Variants in F13A1 observed in about 807,000 individuals in gnomAD.
The protein encoded by F13A1 is FSF, A subunit.
Under a neutral mutation model 80.1 loss-of-function variants are expected in F13A1, and 47 were observed. The ratio of observed to expected loss-of-function variants is 0.59; its 90% CI spans 0.46 to 0.75. The LOEUF is 0.75. Among genes scored for constraint, F13A1 ranks in the 30% least tolerant of loss-of-function variants. The pLI, the probability that F13A1 is intolerant of heterozygous loss-of-function variation, is 0.00. For missense variants in F13A1, 817 were observed against 930.4 expected, an observed-to-expected ratio of 0.88 and a Z score of 1.59; for synonymous variants, 349 against 344.9, an observed-to-expected ratio of 1.01 and a Z score of -0.13.
chr6:6,221,969 TGTG>T, intron 8 of F13A1, 61 bp downstream of exon 8: 1 of 1,572,446 alleles, frequency 6.4e-7, no homozygotes, highest in East Asian at 2.2e-5. Context: ...GAGTCTATCT[TGTG>T]GTAAATGTGT....
At chr6:6,233,752 G>C (rs929466087) in intron 6 of F13A1, among the ~76,000 whole-genome samples, 13 of 152,138 alleles carry the variant, frequency 8.5e-5, no homozygotes, top group Admixed American at 1.3e-4. Context: ...AATCCGCCAT[G>C]ATCAAGTGGG....
intron 8 of F13A1, among the ~76,000 whole-genome samples, chr6:6,204,864 G>A (rs564680550): frequency 2.0e-5 from 3 of 152,370 alleles, no homozygotes; most frequent in South Asian, 4.1e-4. Flanking sequence ...AAACCAGCAA[G>A]GGGCATTTGG....
chr6:6,279,625 C>T (rs1053519993), intron 3 of F13A1, among the ~76,000 whole-genome samples: 2 of 152,150 alleles, frequency 1.3e-5, no homozygotes, highest in East Asian at 1.9e-4. Flanking sequence ...TGTTCTCAGT[C>T]AGCTCAGAAC....
chr6:6,302,048 C>T (rs576832763), intron 3 of F13A1, among the ~76,000 whole-genome samples: 1 of 152,292 alleles, frequency 6.6e-6, no homozygotes, highest in African/African-American at 2.4e-5. Flanking sequence ...AGTTTATTTC[C>T]TAGTAACCCG....
At chr6:6,227,789 A>T (rs1193118572) in intron 6 of F13A1, among the ~76,000 whole-genome samples, 1 of 152,172 alleles carries the variant, frequency 6.6e-6, no homozygotes, top group Non-Finnish European at 1.5e-5. Context: ...CAATCAGCTA[A>T]GGGGAAGAGT....
rs113730307 is a variant in F13A1 at position 6,291,240 on chromosome 6, G to C, written c.319+14111C>G. The stretch of plus-strand genomic sequence containing the variant: ...GATGAGGAATTTTCCTTCCTACTCA[G>C]CCCCTCACCCGTGCCCCTGTCCTCT... On this transcript the variant is annotated intron_variant, in intron 3 of 14. Coordinates refer to ENST00000264870, the MANE Select transcript of F13A1 (RefSeq NM_000129.4). Among the ~76,000 whole-genome samples, 657 of 151,726 alleles carry C rather than the reference G, an allele frequency of 4.3e-3. 7 individuals are homozygous for C. The highest frequency in any genetic ancestry group is 0.015 in the African/African-American group (635 of 41,358).
At chr6:6,247,810 GAATC>G (rs1278102912) in intron 6 of F13A1, among the ~76,000 whole-genome samples, 2 of 152,170 alleles carry the variant, frequency 1.3e-5, no homozygotes, top group African/African-American at 4.8e-5. Context: ...ATCCTGCAAA[GAATC>G]AATACCCACT....
At chr6:6,279,654 C>T in intron 3 of F13A1, among the ~76,000 whole-genome samples, 1 of 152,162 alleles carries the variant, frequency 6.6e-6, no homozygotes, top group Admixed American at 6.5e-5. Flanking sequence ...TAAAGAATCT[C>T]CTACAGCAAC....
chr6:6,145,942 C>T (rs909363398), intron 14 of F13A1, among the ~76,000 whole-genome samples, 170 bp from the exon 15 acceptor site: 1 of 152,202 alleles, frequency 6.6e-6, no homozygotes, highest in Non-Finnish European at 1.5e-5. Context: ...AATGAGGCCC[C>T]CACATAAAGC....
Position 6,307,893 on chromosome 6 carries a change from G to A in F13A1, c.131-2354C>T, listed in dbSNP as rs184680661. ...GTAATTTTTCTAACCATGGGTCCTC[G>A]TTCTGACTTCTAGATAAATATAGAA... On this transcript the variant is annotated intron_variant, in intron 2 of 14. Transcript: ENST00000264870. Among the ~76,000 whole-genome samples, 203 of 151,652 alleles carry A rather than the reference G, an allele frequency of 1.3e-3. 1 individual carries two copies. The highest frequency in any genetic ancestry group is 4.6e-3 in the African/African-American group (191 of 41,356).
At chr6:6,195,381 T>C (rs1196056496) in intron 10 of F13A1, among the ~76,000 whole-genome samples, 9 of 152,150 alleles carry the variant, frequency 5.9e-5, no homozygotes, top group Admixed American at 5.2e-4. Context: ...GTTGGGTGTG[T>C]GTATGTGGAT....
intron 2 of F13A1, among the ~76,000 whole-genome samples, chr6:6,309,061 A>C (rs918849541): frequency 3.3e-5 from 5 of 152,164 alleles, no homozygotes; most frequent in African/African-American, 1.2e-4. Context: ...AATTTGGCTC[A>C]CTGTCCCATG....
chr6:6,207,049 G>A (rs1292825781), intron 8 of F13A1, among the ~76,000 whole-genome samples: 1 of 151,922 alleles, frequency 6.6e-6, no homozygotes, highest in African/African-American at 2.4e-5. Context: ...CAGAACTCTG[G>A]AAGTGAAGCA....
At chr6:6,167,713 C>G in intron 12 of F13A1, 95 bp from the exon 13 acceptor site, 3 of 1,408,850 alleles carry the variant, frequency 2.1e-6, no homozygotes, top group South Asian at 1.2e-5. Flanking sequence ...CCACATTAGC[C>G]TGGAAGCCAC....
intron 8 of F13A1, among the ~76,000 whole-genome samples, chr6:6,198,519 C>T (rs1267232062): frequency 3.3e-5 from 5 of 152,158 alleles, no homozygotes; most frequent in African/African-American, 4.8e-5. Context: ...AGCTGTTTGC[C>T]CATGCTCCCA....
rs1287915237 is a variant in F13A1 at position 6,190,598 on chromosome 6, C to T, written c.1305+5199G>A. Among the ~76,000 whole-genome samples, 85 of 151,940 alleles carry T rather than the reference C, an allele frequency of 5.6e-4. 1 individual carries two copies. In the East Asian group the frequency reaches 8.5e-3, roughly 15 times the overall value. ...CTGCCCCTTCTCAGATCTCCAGCTG[C>T]ATGCTGGGAGAACCAGTGCTCTCTT... On this transcript the variant is annotated intron_variant, in intron 10 of 14. Coordinates refer to ENST00000264870, the MANE Select transcript of F13A1 (RefSeq NM_000129.4).
At position 6,167,515 on chromosome 6, in the gene F13A1, C is replaced by G. The variant is rs1216470597; in HGVS notation, c.1851G>C (p.Arg617Ser). The change falls in exon 13 of 15, where the codon AGG becomes AGC. Residue 617 changes from arginine to serine, a missense_variant. Arg to Ser is a moderately radical substitution (Grantham distance 110). Coordinates refer to ENST00000264870, the MANE Select transcript of F13A1 (RefSeq NM_000129.4). ...TGGACTTTTGCTTGGCCAGAACATC[C>G]CTGGTCTCATTGATGCGAGCTGTGA... is the stretch of plus-strand genomic sequence containing the variant. Reference protein sequence around the residue: ...FFVTARINETRDVLAKQKSTV... With the variant: ...FFVTARINETSDVLAKQKSTV... The G allele has an allele frequency of 6.2e-7, 1 of 1,613,910 alleles. No individual in the cohort carries two copies. Among genetic ancestry groups the G allele is most frequent in the African/African-American group, 1.3e-5 (1 of 74,854 alleles).
chr6:6,296,099 A>G (rs1583116524), intron 3 of F13A1, among the ~76,000 whole-genome samples: 1 of 148,384 alleles, frequency 6.7e-6, no homozygotes, highest in Non-Finnish European at 1.5e-5. Context: ...TGTTCCATTG[A>G]TCTATATCTC....
chr6:6,295,874 T>A (rs1211870258), intron 3 of F13A1, among the ~76,000 whole-genome samples: 10 of 139,976 alleles, frequency 7.1e-5, no homozygotes, highest in African/African-American at 2.2e-4. Flanking sequence ...TTTTTATGGT[T>A]TTAGGTCTAA....
Sources: allele counts gnomAD v4.1 joint callset (sites outside exome capture counted in the v4.1 genomes callset), GRCh38; gene constraint gnomAD v4.1.1; transcripts MANE v1.5; gene names NCBI Gene and HGNC (gene_info 2026-07-23, HGNC 2026-07-21).